GALNT13: variants seen among roughly 807,000 people sequenced by gnomAD.
The protein encoded by GALNT13 is polypeptide N-acetylgalactosaminyltransferase 13.
Under a neutral mutation model 64.2 loss-of-function variants are expected in GALNT13, and 28 were observed. That is an observed-to-expected ratio of 0.44 (90% confidence interval 0.32 to 0.60). The LOEUF (loss-of-function observed/expected upper bound fraction) is 0.60. Ranked by LOEUF, GALNT13 falls within the 20% of genes least tolerant of loss-of-function variation. The pLI is 0.05. For missense variants in GALNT13, 577 were observed against 669.8 expected, an observed-to-expected ratio of 0.86 and a Z score of 1.53; for synonymous variants, 214 against 224.6, an observed-to-expected ratio of 0.95 and a Z score of 0.42.
the GALNT13 span, among the ~76,000 whole-genome samples, chr2:153,102,877 A>T: frequency 1.3e-5 from 2 of 152,184 alleles, no homozygotes; most frequent in Non-Finnish European, 2.9e-5. Flanking sequence ...CCAGAGGGAT[A>T]ATTGAAGTCT....
chr2:154,145,587 A>T (rs999657029), intron 4 of GALNT13, among the ~76,000 whole-genome samples: 5 of 152,030 alleles, frequency 3.3e-5, no homozygotes, highest in South Asian at 2.1e-4. Flanking sequence ...TTGAGAAAAT[A>T]GGAAATTTAT....
chr2:153,442,991 G>T, the GALNT13 span, among the ~76,000 whole-genome samples: 1 of 152,172 alleles, frequency 6.6e-6, no homozygotes, highest in East Asian at 1.9e-4. Flanking sequence ...GCTCTTTGCG[G>T]GGTGGGATCC....
chr2:154,400,931 GA>G (rs34961606), intron 10 of GALNT13, among the ~76,000 whole-genome samples: 1 of 150,628 alleles, frequency 6.6e-6, no homozygotes, highest in Non-Finnish European at 1.5e-5. Context: ...CAGGCTTTCT[GA>G]AAAAAAAATA....
the GALNT13 span, among the ~76,000 whole-genome samples, chr2:153,474,593 C>A: frequency 3.3e-4 from 51 of 152,314 alleles, no homozygotes; most frequent in Middle Eastern, 3.4e-3. Flanking sequence ...ATCTTAAGAA[C>A]ACTTATCAAC....
At chr2:153,632,248 G>A in the GALNT13 span, among the ~76,000 whole-genome samples, 147 of 152,252 alleles carry the variant, frequency 9.7e-4, no homozygotes, top group African/African-American at 3.2e-3. Context: ...GAACAATTCA[G>A]CAGAAAGTAC....
chr2:153,258,795 G>A, the GALNT13 span, among the ~76,000 whole-genome samples: 20,300 of 151,916 alleles, frequency 0.13, 1,667 homozygotes, highest in Non-Finnish European at 0.18. Context: ...ATCAATTACC[G>A]GTTTTATTCC....
the GALNT13 span, among the ~76,000 whole-genome samples, chr2:153,388,782 C>A: frequency 6.6e-6 from 1 of 151,976 alleles, no homozygotes; most frequent in African/African-American, 2.4e-5. Flanking sequence ...CTGGGCCAGG[C>A]TATCTTCCAT....
At chr2:153,092,960 C>T in the GALNT13 span, among the ~76,000 whole-genome samples, 1 of 151,328 alleles carries the variant, frequency 6.6e-6, no homozygotes, top group Non-Finnish European at 1.5e-5. Flanking sequence ...TCAGTTTTTT[C>T]CCATTTAATA....
the GALNT13 span, among the ~76,000 whole-genome samples, chr2:153,359,629 G>GA: frequency 7.8e-4 from 7 of 8,948 alleles, no homozygotes; most frequent in Admixed American, 3.5e-3. Context: ...CCAGCTTTCA[G>GA]CAAAAAAAAA....
At chr2:153,272,020 G>A in the GALNT13 span, among the ~76,000 whole-genome samples, 1 of 152,142 alleles carries the variant, frequency 6.6e-6, no homozygotes, top group Non-Finnish European at 1.5e-5. Flanking sequence ...ATGGGAAAAT[G>A]ATTCCCTATT....
intron 4 of GALNT13, among the ~76,000 whole-genome samples, chr2:154,209,843 C>T (rs1013441069): frequency 6.6e-6 from 1 of 152,148 alleles, no homozygotes; most frequent in Non-Finnish European, 1.5e-5. Flanking sequence ...ACCTAAATTA[C>T]TTGTCATGTT....
the GALNT13 span, among the ~76,000 whole-genome samples, chr2:153,467,959 AAGTC>A: frequency 1.7e-4 from 26 of 152,204 alleles, no homozygotes; most frequent in African/African-American, 5.5e-4. Context: ...GGATAGAAGA[AAGTC>A]AGAAGAGTTT....
At chr2:153,104,421 A>G in the GALNT13 span, among the ~76,000 whole-genome samples, 1 of 152,174 alleles carries the variant, frequency 6.6e-6, no homozygotes, top group African/African-American at 2.4e-5. Context: ...TGACTTTACT[A>G]AGAAAAGTAG....
At chr2:153,231,731 A>G in the GALNT13 span, among the ~76,000 whole-genome samples, 1 of 152,138 alleles carries the variant, frequency 6.6e-6, no homozygotes, top group African/African-American at 2.4e-5. Flanking sequence ...GATTATTTAG[A>G]CATTTAAATA....
chr2:153,884,954 AT>A (rs1228087204), intron 1 of GALNT13, among the ~76,000 whole-genome samples: 1 of 149,740 alleles, frequency 6.7e-6, no homozygotes, highest in Non-Finnish European at 1.5e-5. Context: ...GAAGAGAATC[AT>A]TTTAACCCAG....
chr2:153,612,668 A>G, the GALNT13 span, among the ~76,000 whole-genome samples: 430 of 152,256 alleles, frequency 2.8e-3, 8 homozygotes, highest in Admixed American at 0.023. Flanking sequence ...AGGAAAATGT[A>G]TAAGTGGTTA....
At chr2:153,181,512 T>C in the GALNT13 span, among the ~76,000 whole-genome samples, 1 of 151,260 alleles carries the variant, frequency 6.6e-6, no homozygotes. Context: ...TGTGTATATC[T>C]GTTAGATCCC....
At chr2:154,433,488 AAAAAAAT>A (rs761204478) in intron 11 of GALNT13, among the ~76,000 whole-genome samples, 32 of 152,196 alleles carry the variant, frequency 2.1e-4, no homozygotes, top group East Asian at 3.9e-4. Flanking sequence ...CTGGAAGAAT[AAAAAAAT>A]AAAAAATAAA....
chr2:153,787,447 A>G, the GALNT13 span, among the ~76,000 whole-genome samples: 1 of 152,304 alleles, frequency 6.6e-6, no homozygotes, highest in African/African-American at 2.4e-5. Context: ...TACTGACTGT[A>G]CTCAATGTAT....
Sources: allele counts gnomAD v4.1 joint callset (sites outside exome capture counted in the v4.1 genomes callset), GRCh38; gene constraint gnomAD v4.1.1; transcripts MANE v1.5; gene names NCBI Gene and HGNC (gene_info 2026-07-23, HGNC 2026-07-21).